NEO1: variants seen among roughly 807,000 people sequenced by gnomAD.
NEO1 encodes the protein neogenin 1.
NEO1 carries 63 observed loss-of-function variants against 159.7 expected under a neutral mutation model. The ratio of observed to expected loss-of-function variants is 0.39; its 90% CI spans 0.32 to 0.49. The LOEUF (loss-of-function observed/expected upper bound fraction) is 0.49, where lower values mean the gene tolerates loss of function less well. NEO1 is among the 20% of genes least tolerant of loss of function. The pLI is 0.85. For synonymous variants in NEO1, 633 were observed against 662.0 expected (o/e 0.96, Z 0.67); for missense variants, 1,615 against 1,831.0 (o/e 0.88, Z 2.15).
chr15:73,293,626 A>G (rs886538601), intron 26 of NEO1, 78 bp downstream of exon 26: 3 of 1,417,242 alleles, frequency 2.1e-6, no homozygotes, highest in South Asian at 1.4e-5. Context: ...GACTTGCCCT[A>G]CTTAGAAGAG....
At chr15:73,142,232 T>C (rs2032463394) in intron 5 of NEO1, among the ~76,000 whole-genome samples, 1 of 152,046 alleles carries the variant, frequency 6.6e-6, no homozygotes, top group Non-Finnish European at 1.5e-5. Flanking sequence ...GACAAGGGAC[T>C]GAAGAAGGAA....
chr15:73,092,993 GTCT>G (rs893287660), intron 1 of NEO1, among the ~76,000 whole-genome samples: 1 of 151,988 alleles, frequency 6.6e-6, no homozygotes, highest in African/African-American at 2.4e-5. Flanking sequence ...TAATTGTTAT[GTCT>G]TCTTGGGCTC....
intron 7 of NEO1, among the ~76,000 whole-genome samples, chr15:73,206,196 C>T (rs554329325): frequency 1.3e-5 from 2 of 152,252 alleles, no homozygotes; most frequent in East Asian, 3.9e-4. Context: ...CATGAGCCAC[C>T]ACACCTGGCC....
intron 7 of NEO1, among the ~76,000 whole-genome samples, chr15:73,190,484 C>T (rs2036180333): frequency 6.6e-6 from 1 of 152,064 alleles, no homozygotes; most frequent in African/African-American, 2.4e-5. Context: ...CTGAGCATCC[C>T]CCACCCTTTT....
chr15:73,214,290 ATTTATT>A (rs1342749714), intron 7 of NEO1, among the ~76,000 whole-genome samples: 1 of 152,080 alleles, frequency 6.6e-6, no homozygotes, highest in East Asian at 1.9e-4. Context: ...AGTCCCAACT[ATTTATT>A]TTTGTTTTTA....
chr15:73,189,147 C>G (rs919759491), intron 7 of NEO1, among the ~76,000 whole-genome samples: 1 of 152,026 alleles, frequency 6.6e-6, no homozygotes, highest in Non-Finnish European at 1.5e-5. Context: ...GACATCTTAC[C>G]CATTGAATTT....
At chr15:73,190,527 A>G (rs1209638939) in intron 7 of NEO1, among the ~76,000 whole-genome samples, 2 of 152,150 alleles carry the variant, frequency 1.3e-5, no homozygotes, top group South Asian at 2.1e-4. Flanking sequence ...AATTCCAAAT[A>G]GTATCTGAGG....
chr15:73,270,213 C>T lies in NEO1; in HGVS notation c.2698C>T (p.Pro900Ser), dbSNP rs1285303680. 1 of 1,614,166 alleles carries T rather than the reference C, an allele frequency of 6.2e-7. No individual in the cohort carries two copies. Among genetic ancestry groups the T allele is most frequent in the Admixed American group, 1.7e-5 (1 of 60,014 alleles). ...YYTVRWKTNI[P>S]ANTKYKNANA... ...CACCGTCCGATGGAAAACCAACATC[C>T]CAGCAAACACCAAGTACAAGGTACT... The change falls in exon 17 of 29, where the codon CCA (proline) becomes TCA (serine). Residue 900 changes from proline (P) to serine (S), a missense_variant. Pro to Ser is a moderately conservative substitution (Grantham distance 74). Coordinates refer to ENST00000261908, the MANE Select transcript of NEO1 (RefSeq NM_002499.4).
At chr15:73,056,818 C>T (rs938885198) in intron 1 of NEO1, among the ~76,000 whole-genome samples, 9 of 152,082 alleles carry the variant, frequency 5.9e-5, no homozygotes, top group African/African-American at 2.2e-4. Flanking sequence ...GTTTTGTCAT[C>T]TTTGGAAAGA....
At chr15:73,267,482 G>A (rs1272659882) in intron 16 of NEO1, among the ~76,000 whole-genome samples, 1 of 151,560 alleles carries the variant, frequency 6.6e-6, no homozygotes, top group Non-Finnish European at 1.5e-5. Context: ...TTGGTGTGCT[G>A]CACCCATTAA....
chr15:73,096,382 T>A (rs2070035283), intron 1 of NEO1, among the ~76,000 whole-genome samples: 1 of 152,158 alleles, frequency 6.6e-6, no homozygotes, highest in Admixed American at 6.5e-5. Flanking sequence ...TTCGAAGAAT[T>A]GCAACAGGAG....
chr15:73,068,222 T>TGC (rs1245027191), intron 1 of NEO1, among the ~76,000 whole-genome samples: 3 of 72,714 alleles, frequency 4.1e-5, no homozygotes, highest in African/African-American at 5.4e-5. Context: ...TTTGTCCCCC[T>TGC]ACCCCCCCCC....
At chr15:73,171,091 A>G (rs1447929321) in intron 5 of NEO1, among the ~76,000 whole-genome samples, 1 of 152,168 alleles carries the variant, frequency 6.6e-6, no homozygotes, top group African/African-American at 2.4e-5. Context: ...CACTATGGCA[A>G]TGTGGTCAGC....
At chr15:73,079,401 A>G (rs939082618) in intron 1 of NEO1, among the ~76,000 whole-genome samples, 3 of 152,324 alleles carry the variant, frequency 2.0e-5, no homozygotes, top group South Asian at 2.1e-4. Flanking sequence ...ATATATTTTT[A>G]CTGCGTTATA....
At chr15:73,121,520 G>A (rs1232762134) in intron 2 of NEO1, among the ~76,000 whole-genome samples, 1 of 152,100 alleles carries the variant, frequency 6.6e-6, no homozygotes, top group Non-Finnish European at 1.5e-5. Context: ...TGGTACTTTT[G>A]TTAGTTAATA....
In NEO1 at chr15:73,273,704, ATAT is replaced by A; in HGVS notation, c.2966-103_2966-101del. The A allele has an allele frequency of 5.0e-6, 4 of 803,612 alleles. No individual in the cohort carries two copies. In the East Asian group the frequency reaches 8.2e-5, roughly 16 times the overall value. 49.8% of individuals were successfully genotyped at this position (803,612 alleles called of 1,614,324 possible). ...AGACCCTTGAGGGTACATTATTCAA[ATAT>A]TATGCTATAATATTCATATGATATA... On this transcript the variant is annotated intron_variant, in intron 19 of 28. Transcript: ENST00000261908.
At chr15:73,165,131 A>G (rs1299159325) in intron 5 of NEO1, among the ~76,000 whole-genome samples, 2 of 136,274 alleles carry the variant, frequency 1.5e-5, no homozygotes, top group East Asian at 4.1e-4. Flanking sequence ...TAGGGGTCTC[A>G]CTATGTTGCC....
In NEO1 at chr15:73,274,696, C is replaced by T; in HGVS notation, c.3165C>T (p.Asp1055=). The change falls in exon 21 of 29, where the codon GAC becomes GAT. Residue 1055 remains aspartate, a synonymous_variant. Coordinates refer to ENST00000261908, the MANE Select transcript of NEO1 (RefSeq NM_002499.4). ...EAVQFRTPKA[D]SSDKMPNDQA... is the part of the protein sequence containing the mutation. ...CCCCTGTGCTTGGCCTGTTAGCGGA[C>T]TCCTCTGATAAAATGCCTAATGATC... 6.2e-7 allele frequency: 1 copy of T among 1,613,884 alleles called. No individual in the cohort carries two copies. Among genetic ancestry groups the T allele is most frequent in the Non-Finnish European group, 8.5e-7 (1 of 1,179,922 alleles).
At chr15:73,139,690 G>A (rs950503910) in intron 5 of NEO1, among the ~76,000 whole-genome samples, 4 of 152,148 alleles carry the variant, frequency 2.6e-5, no homozygotes, top group African/African-American at 9.7e-5. Context: ...TTTTTAAATA[G>A]TTGAAAAATA....
Sources: allele counts gnomAD v4.1 joint callset (sites outside exome capture counted in the v4.1 genomes callset), GRCh38; gene constraint gnomAD v4.1.1; transcripts MANE v1.5; gene names NCBI Gene and HGNC (gene_info 2026-07-23, HGNC 2026-07-21).